RYR3: variants seen among roughly 807,000 people sequenced by gnomAD.
RYR3 encodes the protein ryanodine receptor 3.
In RYR3, 207 loss-of-function variants were observed where a neutral mutation model predicts 584.3. The ratio of observed to expected loss-of-function variants is 0.35; its 90% CI spans 0.32 to 0.40. RYR3 has a LOEUF of 0.40. RYR3 is among the 10% of genes least tolerant of loss of function. The pLI is 1.00. For missense variants in RYR3, 5,616 were observed against 6,089.2 expected (o/e 0.92, Z 2.59); for synonymous variants, 2,416 against 2,248.5 (o/e 1.07, Z -2.11).
At chr15:33,769,608 T>G (rs2073403296) in intron 62 of RYR3, among the ~76,000 whole-genome samples, 1 of 152,044 alleles carries the variant, frequency 6.6e-6, no homozygotes, top group Non-Finnish European at 1.5e-5. Flanking sequence ...TGGGAAGAAG[T>G]CTTAAAAAAT....
At position 33,663,742 on chromosome 15, in the gene RYR3, G is replaced by A; in HGVS notation, c.5619+5G>A. 6.3e-7 allele frequency: 1 copy of A among 1,598,466 alleles called. No individual in the cohort carries two copies. Among genetic ancestry groups the A allele is most frequent in the East Asian group, 2.3e-5 (1 of 44,196 alleles). ...CGCTCACCCCCACAGGAGCAGGTGA[G>A]GGTCCTTCCTGAGCCTCTGTCCAGT... On this transcript the variant is annotated splice_donor_5th_base_variant and intron_variant, in intron 36 of 103. Coordinates refer to ENST00000634891, the MANE Select transcript of RYR3 (RefSeq NM_001036.6).
chr15:33,384,003 C>T (rs911971547), intron 1 of RYR3, among the ~76,000 whole-genome samples: 4 of 152,142 alleles, frequency 2.6e-5, no homozygotes, highest in African/African-American at 9.7e-5. Flanking sequence ...TGTCAATTAA[C>T]GCAAGAACAG....
chr15:33,444,399 C>T (rs1212100829), intron 1 of RYR3, among the ~76,000 whole-genome samples: 1 of 152,136 alleles, frequency 6.6e-6, no homozygotes, highest in Non-Finnish European at 1.5e-5. Context: ...ATGTAAGTGC[C>T]TTTCCATGTG....
At chr15:33,854,981 T>C (rs2079493001) in intron 98 of RYR3, 69 bp downstream of exon 98, 1 of 1,437,362 alleles carries the variant, frequency 7.0e-7, no homozygotes, top group East Asian at 2.3e-5. Context: ...CAGCAGGTAG[T>C]ATACAGTATA....
intron 1 of RYR3, among the ~76,000 whole-genome samples, chr15:33,452,032 C>G (rs2047171448): frequency 6.6e-6 from 1 of 152,176 alleles, no homozygotes; most frequent in South Asian, 2.1e-4. Flanking sequence ...CCGGAAAGGG[C>G]CTCCATGCTC....
chr15:33,446,561 C>G (rs2046686317), intron 1 of RYR3, among the ~76,000 whole-genome samples: 1 of 152,144 alleles, frequency 6.6e-6, no homozygotes, highest in African/African-American at 2.4e-5. Flanking sequence ...CATGGTCGGC[C>G]CTCTGTGTGT....
chr15:33,758,029 A>T (rs2072024680), intron 60 of RYR3, among the ~76,000 whole-genome samples: 1 of 152,174 alleles, frequency 6.6e-6, no homozygotes. Context: ...CTCACCCAGG[A>T]AGTGCAGGGG....
Position 33,623,943 on chromosome 15 carries a change from G to C in RYR3, c.2494G>C (p.Asp832His). Residue 832 changes from aspartate (D) to histidine (H), a missense_variant, in exon 20 of 104, where the codon GAT (aspartate) becomes CAT (histidine). Coordinates refer to ENST00000634891, the MANE Select transcript of RYR3 (RefSeq NM_001036.6). Reference sequence around the variant, plus strand: ...TGTCAAAGAATATAAACGTGATGCTGATGGCATTAGAGATCTCTTGGGTAC... The same window carrying C: ...TGTCAAAGAATATAAACGTGATGCTCATGGCATTAGAGATCTCTTGGGTAC... ...EPVKEYKRDA[D>H]GIRDLLGTTQ... 1 of 1,613,972 alleles carries C rather than the reference G, an allele frequency of 6.2e-7. No homozygotes were observed. The highest frequency in any genetic ancestry group is 1.1e-5 in the South Asian group (1 of 91,086).
At chr15:33,506,483 C>A (rs1007683552) in intron 3 of RYR3, among the ~76,000 whole-genome samples, 1 of 152,066 alleles carries the variant, frequency 6.6e-6, no homozygotes, top group Non-Finnish European at 1.5e-5. Context: ...GCCTTTTGTT[C>A]TATTTTTGCC....
chr15:33,853,191 A>T (rs2079284770), intron 95 of RYR3, 104 bp downstream of exon 95: 1 of 1,058,502 alleles, frequency 9.4e-7, no homozygotes, highest in Non-Finnish European at 1.3e-6. Context: ...TGCTACTTTT[A>T]TGATAATATC....
At chr15:33,856,306 C>CACTT in intron 98 of RYR3, 1 of 152,418 alleles carries the variant, frequency 6.6e-6, no homozygotes, top group East Asian at 1.9e-4. Flanking sequence ...CTGATCTTCA[C>CACTT]ACTTACCCAC....
intron 39 of RYR3, among the ~76,000 whole-genome samples, chr15:33,697,107 G>A (rs2065908258): frequency 1.3e-5 from 2 of 152,158 alleles, no homozygotes; most frequent in African/African-American, 4.8e-5. Flanking sequence ...TACTTTATTA[G>A]AATCAAGAAC....
At chr15:33,385,087 A>G (rs943769637) in intron 1 of RYR3, among the ~76,000 whole-genome samples, 1 of 152,206 alleles carries the variant, frequency 6.6e-6, no homozygotes, top group Non-Finnish European at 1.5e-5. Context: ...CAAATTTTTT[A>G]TGTCACTTAC....
chr15:33,692,111 A>G (rs1362636073), intron 38 of RYR3, among the ~76,000 whole-genome samples: 1 of 152,220 alleles, frequency 6.6e-6, no homozygotes, highest in Non-Finnish European at 1.5e-5. Context: ...ATATGCATTA[A>G]TTACTTTAAT....
At chr15:33,740,856 A>G (rs1354046977) in intron 51 of RYR3, among the ~76,000 whole-genome samples, 1 of 152,254 alleles carries the variant, frequency 6.6e-6, no homozygotes, top group African/African-American at 2.4e-5. Context: ...CTTTGGGACA[A>G]TTAAACACAC....
In RYR3 at chr15:33,617,405, C is replaced by G. The variant is rs138785497; in HGVS notation, c.2357+4030C>G. On this transcript the variant is annotated intron_variant, in intron 19 of 103. Transcript: ENST00000634891. ...CCAGCCTGGGCGACAGAGTGAGACT[C>G]TGACTCAAAAAAAAAACGTATTTTA... 5.3e-3 allele frequency among the ~76,000 whole-genome samples: 784 copies of G among 147,112 alleles called. 5 individuals are homozygous for G. The highest frequency in any genetic ancestry group is 0.019 in the African/African-American group (760 of 39,240).
intron 38 of RYR3, among the ~76,000 whole-genome samples, chr15:33,676,345 C>T (rs1381126268): frequency 6.6e-6 from 1 of 152,042 alleles, no homozygotes; most frequent in Non-Finnish European, 1.5e-5. Flanking sequence ...GCAGACTTCT[C>T]ATCTATAGAA....
intron 1 of RYR3, among the ~76,000 whole-genome samples, chr15:33,446,872 A>G (rs2046709911): frequency 6.6e-6 from 1 of 152,332 alleles, no homozygotes; most frequent in South Asian, 2.1e-4. Flanking sequence ...TCTTACATAT[A>G]TTGTAGAAGG....
At chr15:33,671,134 C>T (rs1045988458) in intron 38 of RYR3, among the ~76,000 whole-genome samples, 2 of 152,138 alleles carry the variant, frequency 1.3e-5, no homozygotes, top group Non-Finnish European at 2.9e-5. Flanking sequence ...CTATAGATGA[C>T]TCCTACCGTT....
Sources: gnomAD v4.1 joint callset for allele counts (sites outside exome capture counted in the v4.1 genomes callset) on GRCh38, gnomAD v4.1.1 for gene constraint, MANE v1.5 for transcripts, NCBI Gene and HGNC (gene_info 2026-07-23, HGNC 2026-07-21) for gene names.